The following ABCC1 variants were observed in gnomAD, a reference collection of about 807,000 sequenced individuals.
ABCC1 encodes ATP binding cassette subfamily C member 1 (ABCC1 blood group).
ABCC1 carries 83 observed loss-of-function variants against 172.9 expected under a neutral mutation model. That is an observed-to-expected ratio of 0.48 (90% confidence interval 0.40 to 0.58). The LOEUF (loss-of-function observed/expected upper bound fraction) is 0.58, where lower values mean the gene tolerates loss of function less well. Among genes scored for constraint, ABCC1 ranks in the 20% least tolerant of loss-of-function variants. ABCC1 has a pLI of 0.00. For synonymous variants in ABCC1, 937 were observed against 825.2 expected (o/e 1.14, Z -2.32); for missense variants, 1,817 against 2,002.7 (o/e 0.91, Z 1.77).
At chr16:16,041,300 C>T (rs1177548768) in intron 7 of ABCC1, among the ~76,000 whole-genome samples, 1 of 152,036 alleles carries the variant, frequency 6.6e-6, no homozygotes, top group East Asian at 1.9e-4. Flanking sequence ...ATAAGCTGTG[C>T]CCTAGCCCTG....
chr16:16,069,169 A>AAAATAAATAAATAAAT (rs56098532), intron 13 of ABCC1, among the ~76,000 whole-genome samples: 1 of 107,514 alleles, frequency 9.3e-6, no homozygotes, highest in Admixed American at 8.8e-5. Context: ...AAATAAAATA[A>AAAATAAATAAATAAAT]AAATAAATAA....
At chr16:15,974,398 A>T (rs544626876) in intron 1 of ABCC1, among the ~76,000 whole-genome samples, 24 of 152,154 alleles carry the variant, frequency 1.6e-4, no homozygotes, top group African/African-American at 5.3e-4. Context: ...GACCCCCATT[A>T]AAGTTAATTG....
intron 1 of ABCC1, among the ~76,000 whole-genome samples, chr16:15,981,896 C>G (rs758775028): frequency 1.3e-5 from 2 of 152,154 alleles, no homozygotes; most frequent in Admixed American, 6.5e-5. Context: ...GAAATTTCTT[C>G]TGACAATCAT....
chr16:15,984,474 C>T (rs1256785733), intron 1 of ABCC1, among the ~76,000 whole-genome samples: 4 of 137,968 alleles, frequency 2.9e-5, no homozygotes, highest in Admixed American at 7.7e-5. Flanking sequence ...GATAGAGTCT[C>T]GCCCTGTCAA....
At chr16:16,100,546 G>T (rs754597591) in intron 19 of ABCC1, among the ~76,000 whole-genome samples, 3 of 152,222 alleles carry the variant, frequency 2.0e-5, no homozygotes, top group Non-Finnish European at 2.9e-5. Flanking sequence ...CCTGGGTGAT[G>T]TGGCTATTTG....
At chr16:16,134,548 G>A in intron 28 of ABCC1, 40 bp downstream of exon 28, 1 of 1,610,984 alleles carries the variant, frequency 6.2e-7, no homozygotes. Context: ...GCCAGAGCTG[G>A]CAAGCCCTAT....
chr16:16,004,364 T>G (rs1328551287), intron 1 of ABCC1, among the ~76,000 whole-genome samples: 2 of 152,202 alleles, frequency 1.3e-5, no homozygotes, highest in Non-Finnish European at 2.9e-5. Flanking sequence ...GCAGGGCACA[T>G]TCCTTTGGAA....
chr16:15,964,666 GT>G (rs879588074), intron 1 of ABCC1, among the ~76,000 whole-genome samples: 66 of 145,156 alleles, frequency 4.5e-4, no homozygotes, highest in East Asian at 8.0e-4. Flanking sequence ...TACTCTGCCA[GT>G]TTTTTTTTTT....
At chr16:16,102,927 C>A (rs2051836538) in intron 20 of ABCC1, among the ~76,000 whole-genome samples, 1 of 152,204 alleles carries the variant, frequency 6.6e-6, no homozygotes, top group Non-Finnish European at 1.5e-5. Flanking sequence ...GCACAACTCA[C>A]ACAGGCCTCA....
intron 18 of ABCC1, among the ~76,000 whole-genome samples, chr16:16,090,171 T>G (rs927437901): frequency 3.3e-5 from 5 of 152,302 alleles, no homozygotes; most frequent in Admixed American, 2.0e-4. Flanking sequence ...CTTCCCCAGC[T>G]TTTAGCTCAG....
rs555529024 is a variant in ABCC1 at position 16,028,213 on chromosome 16, A to G, written c.616-4896A>G. The stretch of plus-strand genomic sequence containing the variant: ...AAGGGGTGATATCGGGCCTCAAATG[A>G]CTGACCTTTTTCCTTTGTTGCAGCT... On this transcript the variant is annotated intron_variant, in intron 5 of 30. Transcript: ENST00000399410. Among the ~76,000 whole-genome samples, 9 of 152,140 alleles carry G rather than the reference A, an allele frequency of 5.9e-5. No individual in the cohort carries two copies. In the East Asian group the frequency reaches 1.7e-3, roughly 29 times the overall value.
At chr16:16,099,091 G>A (rs1052429472) in intron 19 of ABCC1, among the ~76,000 whole-genome samples, 1 of 152,188 alleles carries the variant, frequency 6.6e-6, no homozygotes, top group Non-Finnish European at 1.5e-5. Flanking sequence ...GCTGGCACTG[G>A]GGGATACAGC....
At chr16:16,090,303 C>A in intron 18 of ABCC1, 102 bp from the exon 19 acceptor site, 1 of 1,285,882 alleles carries the variant, frequency 7.8e-7, no homozygotes, top group Non-Finnish European at 1.0e-6. Flanking sequence ...GTTTTGCCCA[C>A]CAGGTGTTCG....
intron 12 of ABCC1, among the ~76,000 whole-genome samples, chr16:16,064,397 C>G (rs1242564792): frequency 6.6e-6 from 1 of 152,192 alleles, no homozygotes; most frequent in East Asian, 1.9e-4. Context: ...TCAGGGTTGC[C>G]AAGCCCACCT....
chr16:16,005,714 T>C (rs999630545), intron 1 of ABCC1, among the ~76,000 whole-genome samples: 1 of 152,184 alleles, frequency 6.6e-6, no homozygotes, highest in African/African-American at 2.4e-5. Context: ...TCCAACACTT[T>C]GGGAGACTGA....
rs113721197 is a variant in ABCC1 at position 16,104,999 on chromosome 16, C to A, written c.2736-1739C>A. On this transcript the variant is annotated intron_variant, in intron 20 of 30. Transcript: ENST00000399410. ...GCCCTGTGCAGCTCCGGTTCCCTCC[C>A]GTTCCTCTCCCTCCACACCTCCCCG... is the stretch of plus-strand genomic sequence containing the variant. Among the ~76,000 whole-genome samples the A allele has an allele frequency of 6.1e-3, 931 of 152,236 alleles. 14 individuals are homozygous for A. Among genetic ancestry groups the A allele is most frequent in the African/African-American group, 0.021 (888 of 41,554 alleles).
chr16:16,080,294 T>C (rs527902287), intron 16 of ABCC1, among the ~76,000 whole-genome samples: 2 of 152,326 alleles, frequency 1.3e-5, no homozygotes, highest in Non-Finnish European at 2.9e-5. Flanking sequence ...AAAATGTTTA[T>C]GTGGTTGGAA....
chr16:16,016,717 C>T (rs922328966), intron 5 of ABCC1, 96 bp downstream of exon 5: 49 of 1,510,946 alleles, frequency 3.2e-5, no homozygotes, highest in African/African-American at 4.1e-5. Context: ...TCCAGGATCT[C>T]GTTCCAGCCT....
chr16:16,004,000 GTGGGTGGGTGGATGGATGAATTGGTGGA>G (rs1364689952), intron 1 of ABCC1, among the ~76,000 whole-genome samples: 6 of 40,538 alleles, frequency 1.5e-4, no homozygotes, highest in Admixed American at 8.9e-4. Context: ...GGATGCATTG[GTGGGTGGGTGGATGGATGAATTGGTGGA>G]TGGATGGATG....
Sources: allele counts gnomAD v4.1 joint callset (sites outside exome capture counted in the v4.1 genomes callset), GRCh38; gene constraint gnomAD v4.1.1; transcripts MANE v1.5; gene names NCBI Gene and HGNC (gene_info 2026-07-23, HGNC 2026-07-21).